The following TENT2 variants were observed in gnomAD, a reference collection of about 807,000 sequenced individuals.
TENT2 encodes poly(A) RNA polymerase GLD2.
TENT2 carries 44 observed loss-of-function variants against 72.2 expected under a neutral mutation model. The ratio of observed to expected loss-of-function variants is 0.61; its 90% CI spans 0.48 to 0.78. The LOEUF is 0.78. Among genes scored for constraint, TENT2 ranks in the 30% least tolerant of loss-of-function variants. The pLI, the probability that TENT2 is intolerant of heterozygous loss-of-function variation, is 0.00. For missense variants in TENT2, 541 were observed against 569.6 expected, an observed-to-expected ratio of 0.95 and a Z score of 0.51; for synonymous variants, 212 against 192.5, an observed-to-expected ratio of 1.10 and a Z score of -0.84.
At chr5:79,667,474 T>C (rs1158030998) in intron 11 of TENT2, among the ~76,000 whole-genome samples, 1 of 152,194 alleles carries the variant, frequency 6.6e-6, no homozygotes, top group Non-Finnish European at 1.5e-5. Flanking sequence ...GCCTTTAGTC[T>C]TTACTAATTG....
intron 11 of TENT2, among the ~76,000 whole-genome samples, chr5:79,658,971 A>G (rs1476860046): frequency 2.0e-5 from 3 of 152,140 alleles, no homozygotes; most frequent in Admixed American, 6.5e-5. Context: ...TAATGGGGAA[A>G]TAGATTTAGC....
chr5:79,674,823 C>G (rs1330680112), intron 12 of TENT2, among the ~76,000 whole-genome samples: 1 of 151,918 alleles, frequency 6.6e-6, no homozygotes, highest in Non-Finnish European at 1.5e-5. Context: ...AAGAAAGAAT[C>G]ATTGAGATAG....
intron 4 of TENT2, among the ~76,000 whole-genome samples, chr5:79,637,731 T>C (rs1292370495): frequency 1.3e-5 from 2 of 151,856 alleles, no homozygotes; most frequent in East Asian, 3.9e-4. Context: ...TGCCCAGCCG[T>C]GTGCTACTTT....
chr5:79,640,241 G>A (rs1445941243), intron 4 of TENT2, among the ~76,000 whole-genome samples: 1 of 142,178 alleles, frequency 7.0e-6, no homozygotes, highest in African/African-American at 2.8e-5. Flanking sequence ...AGGTGACAGA[G>A]TAAGACTCCG....
At chr5:79,646,648 T>C (rs893456215) in intron 8 of TENT2, among the ~76,000 whole-genome samples, 1 of 152,158 alleles carries the variant, frequency 6.6e-6, no homozygotes, top group Non-Finnish European at 1.5e-5. Flanking sequence ...AGATAAAACA[T>C]AAAGTTATAA....
At chr5:79,674,732 A>G (rs1313040742) in intron 12 of TENT2, among the ~76,000 whole-genome samples, 2 of 152,078 alleles carry the variant, frequency 1.3e-5, no homozygotes, top group Non-Finnish European at 2.9e-5. Context: ...TTTTTTTTGT[A>G]TTTGAAATTT....
intron 13 of TENT2, among the ~76,000 whole-genome samples, chr5:79,681,150 A>ATTTTTTTTTTTTTTTTT (rs1158559796): frequency 4.5e-5 from 2 of 44,756 alleles, no homozygotes; most frequent in Non-Finnish European, 4.2e-5. Context: ...CTTTTCTTTG[A>ATTTTTTTTTTTTTTTTT]TTTTTTTTTT....
intron 4 of TENT2, among the ~76,000 whole-genome samples, chr5:79,626,043 G>T (rs1429162740): frequency 6.6e-6 from 1 of 151,438 alleles, no homozygotes; most frequent in African/African-American, 2.4e-5. Flanking sequence ...TGGTCAGGCT[G>T]GTCTTGAACT....
intron 4 of TENT2, among the ~76,000 whole-genome samples, chr5:79,631,722 A>G (rs545143686): frequency 7.9e-5 from 12 of 152,192 alleles, no homozygotes; most frequent in Non-Finnish European, 1.3e-4. Flanking sequence ...TCACAAATAA[A>G]TGTTTGTGGG....
chr5:79,656,288 A>G (rs1403213191), intron 10 of TENT2, among the ~76,000 whole-genome samples: 4 of 151,990 alleles, frequency 2.6e-5, no homozygotes, highest in Non-Finnish European at 5.9e-5. Flanking sequence ...GGATGACACA[A>G]ATATGGTGAT....
intron 11 of TENT2, among the ~76,000 whole-genome samples, chr5:79,666,222 C>T (rs1037678617): frequency 3.4e-5 from 5 of 145,558 alleles, no homozygotes; most frequent in Non-Finnish European, 7.4e-5. Flanking sequence ...CTCCTGACCT[C>T]GAGGGAACCG....
chr5:79,657,830 T>TTACATTTACC (rs1799025072), intron 11 of TENT2, among the ~76,000 whole-genome samples: 1 of 152,208 alleles, frequency 6.6e-6, no homozygotes. Context: ...TGGTTTCATA[T>TTACATTTACC]ACTTATAAGA....
chr5:79,643,918 A>G (rs1240246517), intron 7 of TENT2, among the ~76,000 whole-genome samples: 1 of 151,722 alleles, frequency 6.6e-6, no homozygotes, highest in Non-Finnish European at 1.5e-5. Context: ...ATTACTCAAA[A>G]CTTTTAACTC....
intron 10 of TENT2, among the ~76,000 whole-genome samples, chr5:79,653,610 TTTATAA>T (rs1342259606): frequency 1.3e-5 from 2 of 152,176 alleles, no homozygotes; most frequent in African/African-American, 4.8e-5. Flanking sequence ...ACTGAAGTGG[TTTATAA>T]TTAATGGCAC....
chr5:79,631,181 A>G (rs1011965692), intron 4 of TENT2, among the ~76,000 whole-genome samples: 4 of 152,180 alleles, frequency 2.6e-5, no homozygotes, highest in Admixed American at 6.5e-5. Flanking sequence ...TGACAGCCCA[A>G]AATGCCTATG....
chr5:79,675,732 A>G (rs1816762247), intron 12 of TENT2, among the ~76,000 whole-genome samples: 1 of 152,176 alleles, frequency 6.6e-6, no homozygotes, highest in African/African-American at 2.4e-5. Context: ...CTGACCATGC[A>G]TGGGATATAT....
In TENT2 at chr5:79,612,653, A is replaced by G. The variant is rs1258149619; in HGVS notation, c.-460A>G. ...GCTGGGCCTAGCTGTCCCACGGGCC[A>G]CCACTACCTCCTTTGGTTCGGGAGA... On this transcript the variant is annotated 5_prime_UTR_variant, in exon 1 of 15. Coordinates refer to ENST00000453514, the MANE Select transcript of TENT2 (RefSeq NM_001114394.3). 1 of 152,808 alleles carries G rather than the reference A, an allele frequency of 6.5e-6. No homozygotes were observed. Among genetic ancestry groups the G allele is most frequent in the African/African-American group, 2.4e-5 (1 of 41,446 alleles). The allele number at this position is 152,808 out of a possible 1,614,324, so 9.5% of individuals were successfully genotyped here. A position where few individuals can be genotyped will look rare whatever the true frequency, so the allele number is the denominator to read the frequency against.
At chr5:79,667,962 C>T (rs1370930364) in intron 11 of TENT2, among the ~76,000 whole-genome samples, 3 of 149,530 alleles carry the variant, frequency 2.0e-5, no homozygotes, top group African/African-American at 7.4e-5. Flanking sequence ...AAAAAAAAAT[C>T]CATTTCTATT....
At chr5:79,682,196 T>C (rs1822529241) in intron 14 of TENT2, 135 bp downstream of exon 14, 2 of 512,242 alleles carry the variant, frequency 3.9e-6, no homozygotes, top group South Asian at 4.5e-5. Flanking sequence ...GAGAACTTAT[T>C]ATTTGAATTT....
Sources: allele counts gnomAD v4.1 joint callset (sites outside exome capture counted in the v4.1 genomes callset), GRCh38; gene constraint gnomAD v4.1.1; transcripts MANE v1.5; gene names NCBI Gene and HGNC (gene_info 2026-07-23, HGNC 2026-07-21).